The following ADAMTS14 variants were observed in gnomAD, a reference collection of about 807,000 sequenced individuals.
ADAMTS14 encodes the protein ADAM metallopeptidase with thrombospondin type 1 motif 14.
In ADAMTS14, 100 loss-of-function variants were observed where a neutral mutation model predicts 128.6. The ratio of observed to expected loss-of-function variants is 0.78; its 90% CI spans 0.66 to 0.92. The LOEUF is 0.92. Ranked by LOEUF, ADAMTS14 falls within the 40% of genes least tolerant of loss-of-function variation. The pLI, the probability that ADAMTS14 is intolerant of heterozygous loss-of-function variation, is 0.00. For missense variants in ADAMTS14, 1,562 were observed against 1,658.6 expected (o/e 0.94, Z 1.01); for synonymous variants, 665 against 653.8 (o/e 1.02, Z -0.26).
At chr10:70,710,092 G>A (rs114011547) in intron 4 of ADAMTS14, among the ~76,000 whole-genome samples, 30 of 152,334 alleles carry the variant, frequency 2.0e-4, no homozygotes, top group African/African-American at 7.2e-4. Flanking sequence ...CCTCCCCTAT[G>A]AAGTGTAGTA....
At chr10:70,744,033 G>C in intron 13 of ADAMTS14, 33 bp from the exon 14 acceptor site, 2 of 1,551,278 alleles carry the variant, frequency 1.3e-6, no homozygotes, top group Non-Finnish European at 1.7e-6. Flanking sequence ...GGGCAGGGGA[G>C]CCTCCTCCCA....
chr10:70,703,672 C>T (rs1279867032), intron 3 of ADAMTS14, among the ~76,000 whole-genome samples: 3 of 152,216 alleles, frequency 2.0e-5, no homozygotes, highest in East Asian at 1.9e-4. Flanking sequence ...ATAAGGTCCC[C>T]TCTTTTAGGA....
At chr10:70,735,035 G>A in intron 8 of ADAMTS14, 134 bp from the exon 9 acceptor site, 6 of 1,175,858 alleles carry the variant, frequency 5.1e-6, no homozygotes, top group Non-Finnish European at 6.9e-6. Context: ...CTCCCTGGAA[G>A]AGACAGCGCT....
intron 4 of ADAMTS14, among the ~76,000 whole-genome samples, chr10:70,709,495 G>GGTTT (rs1840771891): frequency 9.8e-6 from 1 of 101,836 alleles, no homozygotes; most frequent in Non-Finnish European, 1.8e-5. Context: ...AACATTTCCA[G>GGTTT]TTTTTTTTTT....
chr10:70,752,018 G>A, intron 17 of ADAMTS14, 77 bp from the exon 18 acceptor site: 2 of 1,551,638 alleles, frequency 1.3e-6, no homozygotes, highest in Non-Finnish European at 1.7e-6. Context: ...CTCTCCACAG[G>A]TACTGCCCCT....
At position 70,752,268 on chromosome 10, in the gene ADAMTS14, C is replaced by A. The variant is rs1404600580; in HGVS notation, c.2729+41C>A. 6 of 1,605,212 alleles carry A rather than the reference C, an allele frequency of 3.7e-6. 1 individual carries two copies. The highest frequency in any genetic ancestry group is 1.7e-4 in the Middle Eastern group (1 of 6,024). ...GAGGGACGGGGAGTCTGGTTCTATG[C>A]CTAGCCCGGGCCCCAGGCAGCGGGG... On this transcript the variant is annotated intron_variant, in intron 18 of 21. Coordinates refer to ENST00000373207, the MANE Select transcript of ADAMTS14 (RefSeq NM_080722.4).
chr10:70,755,540 T>C (rs773220827), intron 19 of ADAMTS14, among the ~76,000 whole-genome samples: 28 of 152,066 alleles, frequency 1.8e-4, no homozygotes, highest in Non-Finnish European at 3.8e-4. Context: ...CACTGAACCA[T>C]AGACTTAAAA....
chr10:70,760,313 G>T, intron 21 of ADAMTS14, 47 bp from the exon 22 acceptor site: 1 of 1,505,446 alleles, frequency 6.6e-7, no homozygotes. Flanking sequence ...CTGACTGACA[G>T]GCATCCCCAC....
chr10:70,672,910 G>A (rs1839525133), intron 1 of ADAMTS14, 26 bp downstream of exon 1: 14 of 1,439,940 alleles, frequency 9.7e-6, no homozygotes, highest in Non-Finnish European at 1.3e-5. Flanking sequence ...GCGCGCGGGG[G>A]CCCGTGGGGT....
chr10:70,683,191 T>C (rs1839865787), intron 2 of ADAMTS14, among the ~76,000 whole-genome samples: 1 of 152,204 alleles, frequency 6.6e-6, no homozygotes, highest in South Asian at 2.1e-4. Context: ...AGTGGGCGTG[T>C]AGGGGAAACC....
chr10:70,690,138 G>T (rs71477506), intron 2 of ADAMTS14, among the ~76,000 whole-genome samples: 44,143 of 143,066 alleles, frequency 0.31, 11,525 homozygotes, highest in Non-Finnish European at 0.4. Flanking sequence ...TTGCAGGCAA[G>T]GGTTTAGGAG....
chr10:70,718,974 G>A (rs574798797), intron 4 of ADAMTS14, among the ~76,000 whole-genome samples: 1 of 152,134 alleles, frequency 6.6e-6, no homozygotes, highest in African/African-American at 2.4e-5. Flanking sequence ...GGGATTACAG[G>A]TATGAGCCAT....
intron 2 of ADAMTS14, among the ~76,000 whole-genome samples, chr10:70,680,427 T>A (rs987291970): frequency 2.6e-5 from 4 of 151,980 alleles, no homozygotes; most frequent in Non-Finnish European, 5.9e-5. Context: ...ATAAAAAAAA[T>A]AAAATAAACC....
intron 4 of ADAMTS14, among the ~76,000 whole-genome samples, chr10:70,724,334 C>T (rs1015674316): frequency 6.6e-6 from 1 of 152,196 alleles, no homozygotes; most frequent in Non-Finnish European, 1.5e-5. Flanking sequence ...AAGCTGGACA[C>T]ACTGCTCTGT....
In ADAMTS14 at chr10:70,757,999, A is replaced by C. The variant is rs756163057; in HGVS notation, c.2975A>C (p.Gln992Pro). Residue 992 changes from glutamine (Q) to proline (P), a missense_variant, in exon 20 of 22, where the codon CAG becomes CCG. By Grantham distance (76) the Gln-to-Pro change is moderately conservative. Transcript: ENST00000373207. ...ATCGEGIQQR[Q>P]VVCRTNANSL... ...TGTGGAGAGGGCATCCAGCAGCGGCAGGTGGTGTGCAGGACCAACGCCAAC... is the reference window on the plus strand; with the variant it reads ...TGTGGAGAGGGCATCCAGCAGCGGCCGGTGGTGTGCAGGACCAACGCCAAC... 3 of 1,613,218 alleles carry C rather than the reference A, an allele frequency of 1.9e-6. No individual in the cohort carries two copies. Among genetic ancestry groups the C allele is most frequent in the Non-Finnish European group, 2.5e-6 (3 of 1,179,864 alleles).
chr10:70,760,298 G>T, intron 21 of ADAMTS14, 62 bp from the exon 22 acceptor site: 1 of 1,501,336 alleles, frequency 6.7e-7, no homozygotes, highest in Non-Finnish European at 8.9e-7. Flanking sequence ...GGGAGGGGGG[G>T]CCACCTGACT....
In ADAMTS14 at chr10:70,708,679, C is replaced by A; in HGVS notation, c.771C>A (p.Gly257=). The change falls in exon 4 of 22, where the codon GGC becomes GGA. Residue 257 remains glycine (G), a synonymous_variant. Coordinates refer to ENST00000373207, the MANE Select transcript of ADAMTS14 (RefSeq NM_080722.4). ...TERKRRHAKP[G]SYSIEVLLVV... is the part of the protein sequence containing the mutation. Reference sequence around the variant, plus strand: ...GGAAGCGGCGGCATGCCAAGCCAGGCAGCTACAGCATCGAGGTGCTGCTGG... The same window carrying A: ...GGAAGCGGCGGCATGCCAAGCCAGGAAGCTACAGCATCGAGGTGCTGCTGG... 1 of 1,613,750 alleles carries A rather than the reference C, an allele frequency of 6.2e-7. No homozygotes were observed. The highest frequency in any genetic ancestry group is 8.5e-7 in the Non-Finnish European group (1 of 1,179,874).
At chr10:70,734,051 G>A in intron 8 of ADAMTS14, 23 bp downstream of exon 8, 1 of 1,607,180 alleles carries the variant, frequency 6.2e-7, no homozygotes, top group East Asian at 2.2e-5. Flanking sequence ...TGCCCTCAGA[G>A]CTGGGATAGG....
At chr10:70,688,731 CCTGCAATCGCAGG>C in intron 2 of ADAMTS14, among the ~76,000 whole-genome samples, 1 of 62,674 alleles carries the variant, frequency 1.6e-5, no homozygotes, top group Admixed American at 1.4e-4. Context: ...GCGGCGCGTG[CCTGCAATCGCAGG>C]CATTCGGCAG....
Sources: gnomAD v4.1 joint callset for allele counts (sites outside exome capture counted in the v4.1 genomes callset) on GRCh38, gnomAD v4.1.1 for gene constraint, MANE v1.5 for transcripts, NCBI Gene and HGNC (gene_info 2026-07-23, HGNC 2026-07-21) for gene names.